The following PTCH2 variants were observed in gnomAD, a reference collection of about 807,000 sequenced individuals.
The protein encoded by PTCH2 is protein patched homolog 2.
PTCH2 carries 96 observed loss-of-function variants against 117.9 expected under a neutral mutation model. That is an observed-to-expected ratio of 0.81 (90% CI 0.69 to 0.96). PTCH2 has a LOEUF of 0.96. Ranked by LOEUF, PTCH2 falls within the 50% of genes least tolerant of loss-of-function variation. The pLI, the probability that PTCH2 is intolerant of heterozygous loss-of-function variation, is 0.00. For missense variants in PTCH2, 1,379 were observed against 1,562.5 expected (o/e 0.88, Z 1.98); for synonymous variants, 615 against 660.9 (o/e 0.93, Z 1.06).
intron 6 of PTCH2, 22 bp from the exon 7 acceptor site, chr1:44,830,052 T>G: frequency 6.2e-7 from 1 of 1,613,516 alleles, no homozygotes; most frequent in South Asian, 1.1e-5. Context: ...CAGGAGGGGT[T>G]AATGCTCAAG....
At chr1:44,820,649 C>G (rs947482386), downstream of PTCH2, 1 of 713,122 alleles carries the variant, frequency 1.4e-6, no homozygotes, top group South Asian at 1.5e-5. Context: ...AGTGGCGCTC[C>G]GTGTGTCTGA....
At position 44,823,188 on chromosome 1, in the gene PTCH2, G is replaced by T. The variant is rs1161305234; in HGVS notation, c.3258-20C>A. 1 of 1,613,998 alleles carries T rather than the reference G, an allele frequency of 6.2e-7. No individual in the cohort carries two copies. The highest frequency in any genetic ancestry group is 8.5e-7 in the Non-Finnish European group (1 of 1,180,012). On this transcript the variant is annotated intron_variant, in intron 20 of 21. Coordinates refer to ENST00000372192, the MANE Select transcript of PTCH2 (RefSeq NM_003738.5). The surrounding 1 kb of genome is among the most constrained non-coding windows in gnomAD (Gnocchi z 5.1). ...AAGTACCTAGGGGTAGGGTGTGGGG[G>T]GAGTCAGCCCAGGCCTGTCCTGAGC...
In PTCH2 at chr1:44,827,495, G is replaced by A. The variant is rs1653214272; in HGVS notation, c.2278C>T (p.His760Tyr). The A allele has an allele frequency of 2.5e-6, 4 of 1,614,032 alleles. No homozygotes were observed. In the African/African-American group the frequency reaches 4.0e-5, roughly 16 times the overall value. The change falls in exon 15 of 22, where the codon CAC becomes TAC. Residue 760 changes from histidine to tyrosine, a missense_variant. His to Tyr is a moderately conservative substitution (Grantham distance 83). Transcript: ENST00000372192. ...AHSQRALFDL[H>Y]QRFSSLKAVL... ...GCCTTGAGGGAACTGAAGCGCTGGT[G>A]CAGATCAAAGAGGGCGCGTTGGGAG...
chr1:44,827,119 G>A, intron 16 of PTCH2, 37 bp from the exon 17 acceptor site: 1 of 1,613,940 alleles, frequency 6.2e-7, no homozygotes, highest in Non-Finnish European at 8.5e-7. Context: ...CTGGGCCCAG[G>A]AGGCCTGCAG....
chr1:44,842,429 G>A (rs11573538), intron 1 of PTCH2, among the ~76,000 whole-genome samples: 7 of 151,734 alleles, frequency 4.6e-5, no homozygotes, highest in Admixed American at 3.9e-4. Flanking sequence ...ACAGGCGCCC[G>A]CCACCACGCC....
Position 44,829,429 on chromosome 1 carries a change from G to C in PTCH2, c.1188C>G (p.Ala396=), listed in dbSNP as rs755498723. The change falls in exon 9 of 22, where the codon GCC becomes GCG. Residue 396 remains alanine, a synonymous_variant. Coordinates refer to ENST00000372192, the MANE Select transcript of PTCH2 (RefSeq NM_003738.5). ...ILHAFSEVSA[A]RVVGGYLLML... ...TGAGCAGATAGCCTCCCACCACACG[G>C]GCAGCACTGACTTCAGAGAACGCAT... The C allele has an allele frequency of 1.2e-5, 20 of 1,614,092 alleles. No individual in the cohort carries two copies. Among genetic ancestry groups the C allele is most frequent in the Admixed American group, 1.7e-5 (1 of 60,008 alleles).
In PTCH2 at chr1:44,831,086, C is replaced by T. The variant is rs754224379; in HGVS notation, c.618-43G>A. 17 of 1,578,340 alleles carry T rather than the reference C, an allele frequency of 1.1e-5. No homozygotes were observed. The highest frequency in any genetic ancestry group is 1.4e-5 in the African/African-American group (1 of 74,066). ...AGTTGGTGAGGGTCAGGGACGAAAA[C>T]CCAGGCTCCAAACTGCTGCTGGGGC... On this transcript the variant is annotated intron_variant, in intron 5 of 21. Transcript: ENST00000372192. The surrounding 1 kb of genome is among the most constrained non-coding windows in gnomAD (Gnocchi z 4.3).
intron 6 of PTCH2, 69 bp downstream of exon 6, chr1:44,830,779 A>G: frequency 6.8e-7 from 1 of 1,463,108 alleles, no homozygotes; most frequent in Non-Finnish European, 9.2e-7. Context: ...CTCCCCCAGA[A>G]CACAGGAGTA....
rs1198704639 is a variant in PTCH2, at chr1:44,841,925, G to A, written c.187C>T (p.Leu63=). ...AATGCCAGGGCCCCAAAGGCCAACA[G>A]TCCCAGAAAGAGCACTTTGCCACAA... ...RHCGKVLFLG[L]LAFGALALGL... is the part of the protein sequence containing the mutation. The change falls in exon 2 of 22, where the codon CTG becomes TTG. Residue 63 remains leucine, a synonymous_variant. Transcript: ENST00000372192. The A allele has an allele frequency of 3.1e-6, 5 of 1,614,236 alleles. No homozygotes were observed. The highest frequency in any genetic ancestry group is 1.1e-5 in the South Asian group (1 of 91,086).
intron 2 of PTCH2, among the ~76,000 whole-genome samples, chr1:44,839,976 A>G (rs1229038570): frequency 6.6e-6 from 1 of 152,042 alleles, no homozygotes; most frequent in Admixed American, 6.5e-5. Flanking sequence ...GCCTTTGGGT[A>G]TGGGCCAGGG....
At position 44,835,189 on chromosome 1, in the gene PTCH2, T is replaced by C. The variant is rs1218497018; in HGVS notation, c.266-2848A>G. On this transcript the variant is annotated intron_variant, in intron 2 of 21. Transcript: ENST00000372192. Reference sequence around the variant, plus strand: ...GGCTCAAGCAATCCTCTCAAGTAGCTGGAACTACAGGTGTGTGCCACCATG... The same window carrying C: ...GGCTCAAGCAATCCTCTCAAGTAGCCGGAACTACAGGTGTGTGCCACCATG... 3.9e-5 allele frequency among the ~76,000 whole-genome samples: 6 copies of C among 152,116 alleles called. No individual in the cohort carries two copies. In the East Asian group the frequency reaches 1.2e-3, roughly 29 times the overall value.
intron 2 of PTCH2, among the ~76,000 whole-genome samples, chr1:44,834,765 G>A (rs552374564): frequency 2.4e-4 from 36 of 152,340 alleles, no homozygotes; most frequent in African/African-American, 8.2e-4. Flanking sequence ...TTGTGGTGCA[G>A]AAAGGAAGAG....
rs1652935409 is a variant in PTCH2, at chr1:44,822,158, G to A, written c.*257C>T. ...CAGGCAGTGGTGTGGGGTGGGAAGG[G>A]GGACAGGGCTGCACTGCAGCCCCAA... On this transcript the variant is annotated 3_prime_UTR_variant, in exon 22 of 22. Coordinates refer to ENST00000372192, the MANE Select transcript of PTCH2 (RefSeq NM_003738.5). The A allele has an allele frequency of 1.4e-6, 2 of 1,420,874 alleles. No individual in the cohort carries two copies. The highest frequency in any genetic ancestry group is 2.9e-5 in the African/African-American group (2 of 69,484). 88.0% of individuals were successfully genotyped at this position (1,420,874 alleles called of 1,614,324 possible).
intron 2 of PTCH2, among the ~76,000 whole-genome samples, chr1:44,838,756 T>C (rs183274061): frequency 6.6e-6 from 1 of 151,530 alleles, no homozygotes; most frequent in East Asian, 2.0e-4. Context: ...AGTCTCGCTC[T>C]GTCGCCAGGC....
Position 44,826,168 on chromosome 1 carries a change from C to A in PTCH2, c.3114+82G>T. 1 of 1,541,068 alleles carries A rather than the reference C, an allele frequency of 6.5e-7. No homozygotes were observed. The highest frequency in any genetic ancestry group is 1.2e-5 in the South Asian group (1 of 84,912). On this transcript the variant is annotated intron_variant, in intron 19 of 21. Coordinates refer to ENST00000372192, the MANE Select transcript of PTCH2 (RefSeq NM_003738.5). This position sits in a 1 kb window ranked among gnomAD's most constrained non-coding sequence, Gnocchi z 5.1. ...CCCAGCCCAAATTCTTAAATAGTAC[C>A]TAGCACATAGTAGGGGCTTGAACAA...
chr1:44,828,415 C>G lies in PTCH2; in HGVS notation c.1591-1G>C, dbSNP rs752008202. The G allele has an allele frequency of 1.2e-6, 2 of 1,614,174 alleles. No homozygotes were observed. The highest frequency in any genetic ancestry group is 2.2e-5 in the South Asian group (2 of 91,088). Reference sequence around the variant, plus strand: ...AGGTGCAGCCAACCACTATGGCCGCCTGGGGGACGGACAGGAGGGGAATGA... The same window carrying G: ...AGGTGCAGCCAACCACTATGGCCGCGTGGGGGACGGACAGGAGGGGAATGA... On this transcript the variant is annotated splice_acceptor_variant, in intron 12 of 21. Transcript: ENST00000372192. LOFTEE classifies it high-confidence loss of function.
In PTCH2 at chr1:44,822,563, C is replaced by A; in HGVS notation, c.3464G>T (p.Arg1155Ile). 6.2e-7 allele frequency: 1 copy of A among 1,614,078 alleles called. No individual in the cohort carries two copies. The highest frequency in any genetic ancestry group is 8.5e-7 in the Non-Finnish European group (1 of 1,179,968). The change falls in exon 22 of 22, where the codon AGA becomes ATA. Residue 1155 changes from arginine to isoleucine, a missense_variant. Arg to Ile is a moderately conservative substitution (Grantham distance 97). Coordinates refer to ENST00000372192, the MANE Select transcript of PTCH2 (RefSeq NM_003738.5). ...ASSSLPQSFA[R>I]VTTSMTVAIH... Reference sequence around the variant, plus strand: ...GGCCACGGTCATGGAGGTAGTCACTCTGGCAAAGCTCTGGGGCAGGGAGGA... The same window carrying A: ...GGCCACGGTCATGGAGGTAGTCACTATGGCAAAGCTCTGGGGCAGGGAGGA...
At chr1:44,819,979 T>A, downstream of PTCH2, 1 of 155,120 alleles carries the variant, frequency 6.4e-6, no homozygotes, top group Non-Finnish European at 1.4e-5. Context: ...TTATGCGCTT[T>A]GAAGAGAAAC....
intron 2 of PTCH2, among the ~76,000 whole-genome samples, chr1:44,834,929 G>A (rs1332468172): frequency 6.6e-6 from 1 of 152,226 alleles, no homozygotes; most frequent in Non-Finnish European, 1.5e-5. Flanking sequence ...AGTAGGTACA[G>A]ATGTGGAGTT....
Sources: gnomAD v4.1 joint callset for allele counts (sites outside exome capture counted in the v4.1 genomes callset) on GRCh38, gnomAD v4.1.1 for gene constraint, Gnocchi (gnomAD v3.1) non-coding constraint, MANE v1.5 for transcripts, NCBI Gene and HGNC (gene_info 2026-07-23, HGNC 2026-07-21) for gene names.